Variants in EVA1A observed in about 807,000 individuals in gnomAD.
EVA1A encodes protein eva-1 homolog A.
EVA1A carries 7 observed loss-of-function variants against 9.8 expected under a neutral mutation model. The ratio of observed to expected loss-of-function variants is 0.71; its 90% CI spans 0.41 to 1.34. The LOEUF (loss-of-function observed/expected upper bound fraction) is 1.34. Among genes scored for constraint, EVA1A ranks in the 40% most tolerant of loss-of-function variants. The probability of loss-of-function intolerance (pLI) is 0.01; values close to 1 mark genes in which losing one functional copy is unlikely to be tolerated. For synonymous variants in EVA1A, 90 were observed against 85.6 expected (o/e 1.05, Z -0.28); for missense variants, 206 against 205.9 (o/e 1.00, Z 0.00).
chr2:75,532,752 C>A (rs968049210), intron 1 of EVA1A, among the ~76,000 whole-genome samples: 3 of 152,068 alleles, frequency 2.0e-5, no homozygotes, highest in African/African-American at 7.2e-5. Flanking sequence ...TGTCAAGAAA[C>A]GTGAACTTAC....
At chr2:75,530,029 C>T (rs796702369) in intron 1 of EVA1A, among the ~76,000 whole-genome samples, 8 of 152,072 alleles carry the variant, frequency 5.3e-5, no homozygotes, top group Non-Finnish European at 7.4e-5. Flanking sequence ...AGAAGAGAGA[C>T]GATCCAAATA....
chr2:75,557,265 G>A (rs1379123260), intron 1 of EVA1A, among the ~76,000 whole-genome samples: 1 of 152,132 alleles, frequency 6.6e-6, no homozygotes, highest in African/African-American at 2.4e-5. Context: ...CAAAGCCAAG[G>A]CTGCATTAGA....
At chr2:75,496,298 C>T (rs1400793851) in intron 3 of EVA1A, among the ~76,000 whole-genome samples, 1 of 152,118 alleles carries the variant, frequency 6.6e-6, no homozygotes, top group Non-Finnish European at 1.5e-5. Flanking sequence ...AAAAACTCTG[C>T]CAAAAGGCTC....
chr2:75,537,908 C>T (rs1426336978), intron 1 of EVA1A, among the ~76,000 whole-genome samples: 5 of 152,204 alleles, frequency 3.3e-5, no homozygotes, highest in African/African-American at 7.2e-5. Context: ...GTACAGTCTG[C>T]AGAATGATGA....
chr2:75,516,710 G>GT (rs1226749622), intron 3 of EVA1A, among the ~76,000 whole-genome samples: 1 of 152,194 alleles, frequency 6.6e-6, no homozygotes, highest in Non-Finnish European at 1.5e-5. Context: ...TGATTCACAG[G>GT]TATCCTTTGG....
intron 3 of EVA1A, among the ~76,000 whole-genome samples, chr2:75,501,009 A>C: frequency 6.8e-6 from 1 of 147,688 alleles, no homozygotes. Context: ...CCTATTATTT[A>C]CCTTATTACT....
intron 2 of EVA1A, chr2:75,518,916 G>C (rs1675136280): frequency 1.0e-6 from 1 of 969,338 alleles, no homozygotes; most frequent in Admixed American, 6.2e-5. Flanking sequence ...ATATCTACAG[G>C]AATTTGAGAG....
intron 3 of EVA1A, among the ~76,000 whole-genome samples, chr2:75,504,562 C>T (rs1334418037): frequency 6.6e-6 from 1 of 152,198 alleles, no homozygotes; most frequent in African/African-American, 2.4e-5. Flanking sequence ...TGTTCTTCTC[C>T]AGGAAGGAGT....
chr2:75,513,507 C>T (rs1674891098), intron 3 of EVA1A, among the ~76,000 whole-genome samples: 1 of 152,048 alleles, frequency 6.6e-6, no homozygotes, highest in Non-Finnish European at 1.5e-5. Context: ...TGAGATCATA[C>T]AGTATTTTTA....
At chr2:75,564,390 G>A (rs892418470), upstream of EVA1A, among the ~76,000 whole-genome samples, 7 of 152,134 alleles carry the variant, frequency 4.6e-5, no homozygotes, top group African/African-American at 7.2e-5. Context: ...CCCGGTTCTC[G>A]GCCCAAGGCT....
At chr2:75,560,434 CA>C (rs989998475) in intron 1 of EVA1A, among the ~76,000 whole-genome samples, 1 of 151,984 alleles carries the variant, frequency 6.6e-6, no homozygotes, top group Non-Finnish European at 1.5e-5. Context: ...CAGAAAGAAG[CA>C]GGGGGGGCGA....
At chr2:75,556,877 G>A (rs935059340) in intron 1 of EVA1A, among the ~76,000 whole-genome samples, 4 of 152,168 alleles carry the variant, frequency 2.6e-5, no homozygotes, top group South Asian at 4.1e-4. Flanking sequence ...GACAGGAGGC[G>A]GAGCTCAGGC....
rs573357159 is a variant in EVA1A at position 75,528,630 on chromosome 2, G to A, written c.-191-6143C>T. 2.6e-5 allele frequency among the ~76,000 whole-genome samples: 4 copies of A among 152,234 alleles called. No homozygotes were observed. The East Asian group carries it at 7.7e-4, about 29-fold the overall frequency. On this transcript the variant is annotated intron_variant, in intron 1 of 3. Coordinates refer to ENST00000393913, the MANE Select transcript of EVA1A (RefSeq NM_001135032.2). ...GGTCTCTGCAGGCACCACCCAAGAA[G>A]AGTCTGAGCTCAGACACACCTAGCC...
In EVA1A at chr2:75,492,977, T is replaced by G; in HGVS notation, c.*259A>C. On this transcript the variant is annotated 3_prime_UTR_variant, in exon 4 of 4. Transcript: ENST00000393913. ...AGAAACCACAGTCGCGTTTCTCCGA[T>G]CTCCATCCACAGTGTTGGAGAGGAT... is the stretch of plus-strand genomic sequence containing the variant. 4.3e-6 allele frequency: 2 copies of G among 470,456 alleles called. No homozygotes were observed. The highest frequency in any genetic ancestry group is 8.5e-5 in the South Asian group (2 of 23,624). The allele number at this position is 470,456 out of a possible 1,614,324, so 29.1% of individuals were successfully genotyped here. A position where few individuals can be genotyped will look rare whatever the true frequency, so the allele number is the denominator to read the frequency against.
At chr2:75,534,728 T>G (rs1362948878) in intron 1 of EVA1A, among the ~76,000 whole-genome samples, 1 of 152,226 alleles carries the variant, frequency 6.6e-6, no homozygotes, top group African/African-American at 2.4e-5. Flanking sequence ...CTGTTAATAT[T>G]TCTTTTTTTC....
chr2:75,547,290 A>G (rs1676370919), intron 1 of EVA1A, among the ~76,000 whole-genome samples: 1 of 152,208 alleles, frequency 6.6e-6, no homozygotes, highest in South Asian at 2.1e-4. Flanking sequence ...GGTGAGGAGA[A>G]AAGATTCTGC....
chr2:75,549,597 C>A (rs1026670602), intron 1 of EVA1A, among the ~76,000 whole-genome samples: 1 of 152,170 alleles, frequency 6.6e-6, no homozygotes, highest in African/African-American at 2.4e-5. Context: ...CAGTGTCCTC[C>A]AGTACCTTCA....
At chr2:75,561,694 G>C (rs998699146), upstream of EVA1A, among the ~76,000 whole-genome samples, 4 of 152,120 alleles carry the variant, frequency 2.6e-5, no homozygotes, top group Non-Finnish European at 5.9e-5. Context: ...GCCTTCTACA[G>C]AATCAAAATA....
intron 1 of EVA1A, among the ~76,000 whole-genome samples, chr2:75,543,423 C>T (rs1348909534): frequency 6.6e-6 from 1 of 152,070 alleles, no homozygotes; most frequent in African/African-American, 2.4e-5. Context: ...TGTTGGCTTC[C>T]CAGTCCCAAA....
Sources: gnomAD v4.1 joint callset for allele counts (sites outside exome capture counted in the v4.1 genomes callset) on GRCh38, gnomAD v4.1.1 for gene constraint, MANE v1.5 for transcripts, NCBI Gene and HGNC (gene_info 2026-07-23, HGNC 2026-07-21) for gene names.